Variants in NNT observed in about 807,000 individuals in gnomAD.
NNT encodes nicotinamide nucleotide transhydrogenase.
NNT carries 50 observed loss-of-function variants against 104.8 expected under a neutral mutation model. The observed-to-expected ratio is 0.48, with a 90% CI of 0.38 to 0.60. The LOEUF is 0.60. Among genes scored for constraint, NNT ranks in the 20% least tolerant of loss-of-function variants. The probability of loss-of-function intolerance (pLI) is 0.00; values close to 1 mark genes in which losing one functional copy is unlikely to be tolerated. For synonymous variants in NNT, 461 were observed against 490.4 expected, an observed-to-expected ratio of 0.94 and a Z score of 0.79; for missense variants, 1,131 against 1,330.7, an observed-to-expected ratio of 0.85 and a Z score of 2.33.
intron 10 of NNT, chr5:43,647,970 C>G: frequency 1.9e-6 from 1 of 526,896 alleles, no homozygotes; most frequent in Non-Finnish European, 3.4e-6. Flanking sequence ...GACACTGAAG[C>G]ACAGAGAGGT....
Position 43,704,931 on chromosome 5 carries a change from T to C in NNT, c.*527T>C, listed in dbSNP as rs1294008090. 1 of 152,662 alleles carries C rather than the reference T, an allele frequency of 6.6e-6. No homozygotes were observed. Among genetic ancestry groups the C allele is most frequent in the East Asian group, 1.9e-4 (1 of 5,212 alleles). The allele number at this position is 152,662 out of a possible 1,614,324, so 9.5% of individuals were successfully genotyped here. A position where few individuals can be genotyped will look rare whatever the true frequency, so the allele number is the denominator to read the frequency against. On this transcript the variant is annotated 3_prime_UTR_variant, in exon 22 of 22. Coordinates refer to ENST00000344920, the MANE Select transcript of NNT (RefSeq NM_182977.3). ...TTGAATTAATCATATCAAATCAGTT[T>C]TAATTTTTTAAATTGTACTTCAGAG...
intron 11 of NNT, 59 bp from the exon 12 acceptor site, chr5:43,650,418 T>A: frequency 8.2e-7 from 1 of 1,216,026 alleles, no homozygotes. Context: ...ACTTCAGCTA[T>A]GATATTTGAT....
intron 13 of NNT, 98 bp from the exon 14 acceptor site, chr5:43,652,920 T>A (rs1739839052): frequency 1.2e-6 from 1 of 832,710 alleles, no homozygotes; most frequent in East Asian, 2.7e-5. Context: ...AAGTATTTAA[T>A]ATGTTAATAT....
intron 7 of NNT, among the ~76,000 whole-genome samples, chr5:43,641,665 A>G (rs1183669051): frequency 6.6e-6 from 1 of 152,198 alleles, no homozygotes; most frequent in African/African-American, 2.4e-5. Context: ...TTTTACTTAT[A>G]ATAATTCCAT....
intron 10 of NNT, chr5:43,648,306 T>G: frequency 2.1e-6 from 2 of 947,836 alleles, no homozygotes; most frequent in Non-Finnish European, 1.3e-6. Flanking sequence ...AAAGGTACCT[T>G]ATTCAGGAAA....
rs954510662 is a variant in NNT at position 43,707,088 on chromosome 5, G to A, written c.*2684G>A. On this transcript the variant is annotated 3_prime_UTR_variant, in exon 22 of 22. Transcript: ENST00000344920. ...TACATATGTAGCAAACCTGCACGTT[G>A]TGCACATGTACCCTAGAACTTAAAG... is the stretch of plus-strand genomic sequence containing the variant. The A allele has an allele frequency of 6.6e-6, 1 of 151,542 alleles. No homozygotes were observed. The highest frequency in any genetic ancestry group is 2.4e-5 in the African/African-American group (1 of 41,166). 9.4% of individuals were successfully genotyped at this position (151,542 alleles called of 1,614,324 possible).
chr5:43,615,777 GT>G, intron 3 of NNT, 70 bp from the exon 4 acceptor site: 1 of 1,155,902 alleles, frequency 8.7e-7, no homozygotes. Context: ...TATTATCTAA[GT>G]TTTCCTGTTT....
chr5:43,645,839 C>T (rs1292855046), intron 10 of NNT, among the ~76,000 whole-genome samples: 1 of 150,194 alleles, frequency 6.7e-6, no homozygotes, highest in Non-Finnish European at 1.5e-5. Context: ...CTCAGCCTCC[C>T]AAGTAGCTGG....
At chr5:43,613,253 A>AT in intron 3 of NNT, 116 bp downstream of exon 3, 1 of 790,558 alleles carries the variant, frequency 1.3e-6, no homozygotes, top group Non-Finnish European at 2.0e-6. Flanking sequence ...CAAACAGTGT[A>AT]TTTTTCTCAA....
At chr5:43,674,889 T>G (rs936011557) in intron 17 of NNT, among the ~76,000 whole-genome samples, 2 of 152,224 alleles carry the variant, frequency 1.3e-5, no homozygotes, top group African/African-American at 4.8e-5. Context: ...TTAAAGAGTA[T>G]ATAACCTTAT....
chr5:43,627,880 G>A (rs1278457307), intron 6 of NNT, among the ~76,000 whole-genome samples: 1 of 152,080 alleles, frequency 6.6e-6, no homozygotes, highest in East Asian at 1.9e-4. Flanking sequence ...ATGTATATGA[G>A]GTATCACATC....
chr5:43,631,203 G>A (rs1410254039), intron 7 of NNT, among the ~76,000 whole-genome samples: 1 of 152,186 alleles, frequency 6.6e-6, no homozygotes, highest in Non-Finnish European at 1.5e-5. Context: ...CTCAGGCAAT[G>A]GGAGCATCTG....
At chr5:43,648,131 C>T (rs1428078417) in intron 10 of NNT, 9 of 1,179,708 alleles carry the variant, frequency 7.6e-6, no homozygotes, top group Non-Finnish European at 8.6e-6. Flanking sequence ...CTAACTCTCT[C>T]ACCAGATGGT....
chr5:43,692,056 A>G (rs1454580457), intron 19 of NNT, among the ~76,000 whole-genome samples: 1 of 152,254 alleles, frequency 6.6e-6, no homozygotes, highest in African/African-American at 2.4e-5. Flanking sequence ...GGGAGAAAAC[A>G]AAAATATGGA....
intron 19 of NNT, among the ~76,000 whole-genome samples, chr5:43,693,193 C>T (rs1025890073): frequency 6.6e-6 from 1 of 152,118 alleles, no homozygotes; most frequent in African/African-American, 2.4e-5. Flanking sequence ...AACTCAGGCA[C>T]CTTGGAAACT....
intron 13 of NNT, among the ~76,000 whole-genome samples, chr5:43,652,760 T>C (rs571632956): frequency 2.0e-5 from 3 of 152,280 alleles, no homozygotes; most frequent in African/African-American, 4.8e-5. Flanking sequence ...ACCTCAGGGG[T>C]TGGCTCTTTT....
chr5:43,702,389 T>A (rs113231452), intron 20 of NNT, among the ~76,000 whole-genome samples: 2 of 152,322 alleles, frequency 1.3e-5, no homozygotes, highest in African/African-American at 4.8e-5. Context: ...TAATGCAGGC[T>A]GTAGTCAAGA....
chr5:43,676,196 C>T (rs1394986265), intron 18 of NNT, among the ~76,000 whole-genome samples: 2 of 152,158 alleles, frequency 1.3e-5, no homozygotes, highest in Non-Finnish European at 2.9e-5. Context: ...ATCTATGTGA[C>T]ATTGCCCAAG....
chr5:43,689,177 A>G (rs1028014544), intron 19 of NNT, among the ~76,000 whole-genome samples: 7 of 152,144 alleles, frequency 4.6e-5, no homozygotes, highest in Admixed American at 1.3e-4. Context: ...GGACATTTGT[A>G]TATCTTCTTT....
Sources: allele counts gnomAD v4.1 joint callset (sites outside exome capture counted in the v4.1 genomes callset), GRCh38; gene constraint gnomAD v4.1.1; transcripts MANE v1.5; gene names NCBI Gene and HGNC (gene_info 2026-07-23, HGNC 2026-07-21).